Variants in COL28A1 observed in about 807,000 individuals in gnomAD.
COL28A1 encodes collagen type XXVIII alpha 1 chain, also known as collagen alpha-1(XXVIII) chain.
Under a neutral mutation model 150.2 loss-of-function variants are expected in COL28A1, and 161 were observed. The ratio of observed to expected loss-of-function variants is 1.07; its 90% CI spans 0.94 to 1.22. The LOEUF (loss-of-function observed/expected upper bound fraction) is 1.22, where lower values mean the gene tolerates loss of function less well. COL28A1 is among the 50% of genes most tolerant of loss of function. The pLI is 0.00. For synonymous variants in COL28A1, 552 were observed against 469.7 expected (o/e 1.18, Z -2.26); for missense variants, 1,617 against 1,388.3 (o/e 1.16, Z -2.62).
intron 16 of COL28A1, among the ~76,000 whole-genome samples, chr7:7,455,402 G>T (rs1192145271): frequency 2.0e-5 from 3 of 152,240 alleles, no homozygotes; most frequent in Admixed American, 6.5e-5. Context: ...ACAATACCCA[G>T]ATTTTCCAAA....
chr7:7,380,729 G>C lies in COL28A1; in HGVS notation c.2287-34C>G, dbSNP rs1280291565. The C allele has an allele frequency of 3.1e-6, 5 of 1,613,134 alleles. No individual in the cohort carries two copies. In the South Asian group the frequency reaches 5.5e-5, roughly 18 times the overall value. On this transcript the variant is annotated intron_variant, in intron 29 of 34. Transcript: ENST00000399429. ...TGGAAGAAGAGTAAAAGTCAATATA[G>C]GTTGGAACCAGTTAGAGTATAAAAT...
chr7:7,368,899 G>C (rs1440343576), intron 33 of COL28A1, among the ~76,000 whole-genome samples: 2 of 152,104 alleles, frequency 1.3e-5, no homozygotes, highest in African/African-American at 4.8e-5. Context: ...TTCCTTCATA[G>C]CTCTGGCTAA....
rs1040386864 is a variant in COL28A1, at chr7:7,432,539, T to C, written c.1932A>G (p.Gly644=). ...CAGGGGGTCCTGGTAATCCACGAGG[T>C]CCCTGAGATGACACAGTAAGGGAGG... ...LKGDGYPGVP[G]PRGLPGPPGP... is the part of the protein sequence containing the mutation. Residue 644 remains glycine, a splice_region_variant and synonymous_variant, in exon 25 of 35, where the codon GGA becomes GGG. Transcript: ENST00000399429. 1 of 1,613,666 alleles carries C rather than the reference T, an allele frequency of 6.2e-7. No individual in the cohort carries two copies. Among genetic ancestry groups the C allele is most frequent in the African/African-American group, 1.3e-5 (1 of 74,822 alleles).
intron 33 of COL28A1, among the ~76,000 whole-genome samples, chr7:7,366,405 G>C (rs905933903): frequency 1.3e-5 from 2 of 152,130 alleles, no homozygotes; most frequent in African/African-American, 4.8e-5. Flanking sequence ...CACAAGCCAG[G>C]TTTCCTGACT....
intron 27 of COL28A1, among the ~76,000 whole-genome samples, chr7:7,408,251 G>C (rs1270226746): frequency 2.0e-5 from 3 of 151,990 alleles, no homozygotes; most frequent in Non-Finnish European, 2.9e-5. Context: ...AATTGCTCTG[G>C]GGCTAAATAT....
downstream of COL28A1, chr7:7,356,518 A>C (rs1780363879): frequency 6.6e-6 from 1 of 152,206 alleles, no homozygotes. Context: ...CAGCCATAAA[A>C]AATGATGAGT....
At chr7:7,470,776 C>G (rs1487149136) in intron 15 of COL28A1, among the ~76,000 whole-genome samples, 2 of 123,932 alleles carry the variant, frequency 1.6e-5, no homozygotes, top group Admixed American at 1.6e-4. Flanking sequence ...GAATACTATG[C>G]AGCCATAAAA....
Position 7,432,645 on chromosome 7 carries a change from T to C in COL28A1, c.1916A>G (p.Tyr639Cys). 6.2e-7 allele frequency: 1 copy of C among 1,613,986 alleles called. No individual in the cohort carries two copies. The highest frequency in any genetic ancestry group is 8.5e-7 in the Non-Finnish European group (1 of 1,179,972). Residue 639 changes from tyrosine (Y) to cysteine (C), a missense_variant, in exon 24 of 35, where the codon TAT (tyrosine) becomes TGT (cysteine). Transcript: ENST00000399429. ...VGAPGLKGDG[Y>C]PGVPGPRGLP... ...TGTCCCACTTACAGGCACACCAGGA[T>C]AGCCATCACCTTTGAGTCCTGGAGC...
In COL28A1 at chr7:7,531,539, C is replaced by T. The variant is rs756862861; in HGVS notation, c.490G>A (p.Asp164Asn). 23 of 1,609,542 alleles carry T rather than the reference C, an allele frequency of 1.4e-5. No individual in the cohort carries two copies. The highest frequency in any genetic ancestry group is 2.2e-5 in the East Asian group (1 of 44,868). The change falls in exon 3 of 35, where the codon GAC (aspartate) becomes AAC (asparagine). Residue 164 changes from aspartate (D) to asparagine (N), a missense_variant. Asp to Asn is a conservative substitution (Grantham distance 23). Coordinates refer to ENST00000399429, the MANE Select transcript of COL28A1 (RefSeq NM_001037763.3). ...TGAACATCTGGATTCTTTGGATGGTCGATGCCATCAGTCATCAGCAAAACC... is the reference window on the plus strand; with the variant it reads ...TGAACATCTGGATTCTTTGGATGGTTGATGCCATCAGTCATCAGCAAAACC... ...KVVLLMTDGIDHPKNPDVQSI... is the reference protein window; with the variant it reads ...KVVLLMTDGINHPKNPDVQSI...
rs540178618 is a variant in COL28A1 at position 7,461,547 on chromosome 7, G to T, written c.1303-5435C>A. Among the ~76,000 whole-genome samples the T allele has an allele frequency of 2.6e-5, 4 of 152,252 alleles. No homozygotes were observed. In the South Asian group the frequency reaches 8.3e-4, roughly 32 times the overall value. ...AAACAGACTCAGTGTTGTTGGGAGGGCACGGTGGGAGTCAGACCAGCCCTT... is the reference window on the plus strand; with the variant it reads ...AAACAGACTCAGTGTTGTTGGGAGGTCACGGTGGGAGTCAGACCAGCCCTT... On this transcript the variant is annotated intron_variant, in intron 15 of 34. Transcript: ENST00000399429.
chr7:7,461,408 G>A (rs760232907), intron 15 of COL28A1, among the ~76,000 whole-genome samples: 2 of 152,176 alleles, frequency 1.3e-5, no homozygotes, highest in Non-Finnish European at 2.9e-5. Flanking sequence ...GAAAGGGCGT[G>A]AATCCAGTGT....
At position 7,520,568 on chromosome 7, in the gene COL28A1, G is replaced by A. The variant is rs77071181; in HGVS notation, c.760-453C>T. Among the ~76,000 whole-genome samples the A allele has an allele frequency of 5.1e-3, 775 of 152,286 alleles. 5 individuals carry two copies. The highest frequency in any genetic ancestry group is 0.018 in the African/African-American group (753 of 41,568). On this transcript the variant is annotated intron_variant, in intron 5 of 34. Coordinates refer to ENST00000399429, the MANE Select transcript of COL28A1 (RefSeq NM_001037763.3). ...GTCAAAGAGGTTCTGATATCCAGGA[G>A]ACAATCTCAAAAGATGGGAGAAAGG...
At chr7:7,415,965 G>T (rs1032370425) in intron 27 of COL28A1, among the ~76,000 whole-genome samples, 1 of 152,098 alleles carries the variant, frequency 6.6e-6, no homozygotes, top group Admixed American at 6.5e-5. Context: ...ACCACACCAA[G>T]CTAAGTTTTG....
chr7:7,439,232 C>T (rs1043990395), intron 21 of COL28A1, among the ~76,000 whole-genome samples: 1 of 152,152 alleles, frequency 6.6e-6, no homozygotes, highest in African/African-American at 2.4e-5. Flanking sequence ...TATTGATTAG[C>T]CAATACAACC....
At chr7:7,410,812 TG>T (rs1783748098) in intron 27 of COL28A1, among the ~76,000 whole-genome samples, 1 of 152,222 alleles carries the variant, frequency 6.6e-6, no homozygotes, top group Admixed American at 6.5e-5. Flanking sequence ...AAATTCCTCA[TG>T]TCAATACTTT....
At chr7:7,351,653 G>T (rs1202807886), downstream of COL28A1, among the ~76,000 whole-genome samples, 2 of 151,984 alleles carry the variant, frequency 1.3e-5, no homozygotes, top group African/African-American at 4.8e-5. Flanking sequence ...TTAAATGAAA[G>T]ATTTTTTCAA....
chr7:7,524,424 G>A lies in COL28A1; in HGVS notation c.682-175C>T, dbSNP rs572224027. Among the ~76,000 whole-genome samples, 7 of 152,240 alleles carry A rather than the reference G, an allele frequency of 4.6e-5. No individual in the cohort carries two copies. The South Asian group carries it at 8.3e-4, about 18-fold the overall frequency. On this transcript the variant is annotated intron_variant, in intron 3 of 34. Coordinates refer to ENST00000399429, the MANE Select transcript of COL28A1 (RefSeq NM_001037763.3). The stretch of plus-strand genomic sequence containing the variant: ...CAGCCAACCACCCAAGGAGCAGTCC[G>A]AGCCATGTAATAATAAGAGATATAA...
chr7:7,407,101 A>C (rs1783532087), intron 27 of COL28A1, among the ~76,000 whole-genome samples: 1 of 152,126 alleles, frequency 6.6e-6, no homozygotes, highest in Admixed American at 6.6e-5. Context: ...ATGAACTGGA[A>C]AATAGAATAG....
chr7:7,380,930 T>C (rs570498670), intron 28 of COL28A1, 68 bp from the exon 29 acceptor site: 38 of 1,392,656 alleles, frequency 2.7e-5, no homozygotes, highest in Admixed American at 1.9e-5. Flanking sequence ...AAAAGCTCTA[T>C]AATTTGGTTA....
Sources: allele counts gnomAD v4.1 joint callset (sites outside exome capture counted in the v4.1 genomes callset), GRCh38; gene constraint gnomAD v4.1.1; transcripts MANE v1.5; gene names NCBI Gene and HGNC (gene_info 2026-07-23, HGNC 2026-07-21).